Variants in ADGRV1 observed in about 807,000 individuals in gnomAD.
ADGRV1 encodes the protein G-protein coupled receptor 98.
In ADGRV1, 359 loss-of-function variants were observed where a neutral mutation model predicts 596.2. The ratio of observed to expected loss-of-function variants is 0.60; its 90% CI spans 0.55 to 0.66. The LOEUF is 0.66. ADGRV1 is among the 30% of genes least tolerant of loss of function. The probability of loss-of-function intolerance (pLI) is 0.00; values close to 1 mark genes in which losing one functional copy is unlikely to be tolerated. For synonymous variants in ADGRV1, 2,681 were observed against 2,679.2 expected (o/e 1.00, Z -0.02); for missense variants, 7,274 against 7,575.6 (o/e 0.96, Z 1.48).
chr5:90,705,490 T>G lies in ADGRV1; in HGVS notation c.8477T>G (p.Leu2826Ter). 6.2e-7 allele frequency: 1 copy of G among 1,613,942 alleles called. No homozygotes were observed. The highest frequency in any genetic ancestry group is 8.5e-7 in the Non-Finnish European group (1 of 1,179,806). ...VEASDEPHGVLNFALSSRFVL... is the reference protein window; with the variant it reads ...VEASDEPHGV ...GCCAGTGATGAACCACATGGAGTTTTAAATTTTGCTCTTTCATCAAGATTT... is the reference window on the plus strand; with the variant it reads ...GCCAGTGATGAACCACATGGAGTTTGAAATTTTGCTCTTTCATCAAGATTT... Residue 2826 changes from leucine (L) to a stop codon, truncating the protein, a stop_gained, in exon 37 of 90, where the codon TTA becomes TGA. Coordinates refer to ENST00000405460, the MANE Select transcript of ADGRV1 (RefSeq NM_032119.4). LOFTEE classifies it high-confidence loss of function.
chr5:90,817,986 T>C (rs1177709821), intron 75 of ADGRV1, among the ~76,000 whole-genome samples: 2 of 152,156 alleles, frequency 1.3e-5, no homozygotes, highest in African/African-American at 2.4e-5. Context: ...TGGCATTGAA[T>C]CTGTAAATTA....
intron 1 of ADGRV1, among the ~76,000 whole-genome samples, chr5:90,589,861 A>G (rs139623431): frequency 1.7e-3 from 265 of 152,260 alleles, no homozygotes; most frequent in Non-Finnish European, 3.2e-3. Context: ...AAACATAGAA[A>G]AGCACAAAGA....
chr5:90,879,483 G>A (rs1436530268), intron 83 of ADGRV1, among the ~76,000 whole-genome samples: 3 of 152,128 alleles, frequency 2.0e-5, no homozygotes, highest in African/African-American at 7.2e-5. Context: ...TTTAAAATTT[G>A]TGATATAATT....
At chr5:90,721,773 G>A (rs1330101868) in intron 45 of ADGRV1, among the ~76,000 whole-genome samples, 1 of 152,072 alleles carries the variant, frequency 6.6e-6, no homozygotes, top group African/African-American at 2.4e-5. Flanking sequence ...CTTTCAAGGG[G>A]TATTGATCTT....
chr5:90,658,456 C>T lies in ADGRV1; in HGVS notation c.4752+178C>T, dbSNP rs185625236. Among the ~76,000 whole-genome samples the T allele has an allele frequency of 6.2e-3, 950 of 152,238 alleles. 12 individuals carry two copies. Among genetic ancestry groups the T allele is most frequent in the African/African-American group, 0.022 (905 of 41,532 alleles). On this transcript the variant is annotated intron_variant, in intron 21 of 89. Transcript: ENST00000405460. ...AAATTCTTACTCTTATGAGTTCACC[C>T]TTTGGATCAACTTAATGAGCTGATA...
intron 77 of ADGRV1, among the ~76,000 whole-genome samples, chr5:90,830,768 T>C (rs1442836366): frequency 6.6e-6 from 1 of 152,176 alleles, no homozygotes; most frequent in Admixed American, 6.5e-5. Flanking sequence ...AGTACCCATA[T>C]ATCTGGTCAA....
intron 85 of ADGRV1, among the ~76,000 whole-genome samples, chr5:90,995,600 A>T (rs934406064): frequency 4.3e-4 from 65 of 152,210 alleles, no homozygotes; most frequent in African/African-American, 1.5e-3. Flanking sequence ...TGTTATGAAG[A>T]TACCTGAAAA....
At chr5:91,118,521 C>T (rs79786026) in intron 87 of ADGRV1, among the ~76,000 whole-genome samples, 2 of 152,122 alleles carry the variant, frequency 1.3e-5, no homozygotes, top group Non-Finnish European at 2.9e-5. Context: ...ACCATTATCA[C>T]GGATGCTTTT....
At chr5:90,790,729 T>A (rs2150132725) in intron 69 of ADGRV1, 144 bp from the exon 70 acceptor site, 1 of 582,584 alleles carries the variant, frequency 1.7e-6, no homozygotes, top group Admixed American at 3.2e-5. Flanking sequence ...CAAGCTAACA[T>A]ATACTTAGAG....
chr5:90,946,129 A>G (rs930213894), intron 83 of ADGRV1, among the ~76,000 whole-genome samples: 2 of 152,190 alleles, frequency 1.3e-5, no homozygotes, highest in Admixed American at 6.6e-5. Flanking sequence ...ACCTAGAAGG[A>G]GAATATCCCA....
chr5:90,635,301 T>G lies in ADGRV1; in HGVS notation c.2016+11T>G. On this transcript the variant is annotated intron_variant, in intron 10 of 89. Transcript: ENST00000405460. ...TTTGCTGCTGAAGTGGTAAGTAGGC[T>G]CTTTCTTACTGATGGGGGCTAATGA... 6.3e-7 allele frequency: 1 copy of G among 1,598,914 alleles called. No individual in the cohort carries two copies.
At chr5:90,954,662 C>G (rs1017888095) in intron 83 of ADGRV1, among the ~76,000 whole-genome samples, 4 of 151,808 alleles carry the variant, frequency 2.6e-5, no homozygotes, top group African/African-American at 9.7e-5. Flanking sequence ...ATTTCTATTC[C>G]TAGTATAATT....
chr5:90,627,172 G>A lies in ADGRV1; in HGVS notation c.673-39G>A, dbSNP rs775102825. ...CTTTAGTTTATTTGCAGGTGTTTTGGCTGTTGATGTTTTGCCTCTGTTTAT... is the reference window on the plus strand; with the variant it reads ...CTTTAGTTTATTTGCAGGTGTTTTGACTGTTGATGTTTTGCCTCTGTTTAT... On this transcript the variant is annotated intron_variant, in intron 6 of 89. Transcript: ENST00000405460. 1.1e-5 allele frequency: 12 copies of A among 1,135,230 alleles called. No individual in the cohort carries two copies. The East Asian group carries it at 2.8e-4, about 27-fold the overall frequency. 70.3% of individuals were successfully genotyped at this position (1,135,230 alleles called of 1,614,324 possible).
chr5:91,118,228 C>T (rs935686531), intron 87 of ADGRV1, among the ~76,000 whole-genome samples: 3 of 151,912 alleles, frequency 2.0e-5, no homozygotes, highest in Non-Finnish European at 4.4e-5. Flanking sequence ...CATAGTTATC[C>T]TTGTCTGGCT....
chr5:91,074,500 A>T (rs1447979586), intron 86 of ADGRV1, among the ~76,000 whole-genome samples: 1 of 152,160 alleles, frequency 6.6e-6, no homozygotes, highest in African/African-American at 2.4e-5. Flanking sequence ...TGCAAAGGAG[A>T]TGATCTCGGT....
intron 84 of ADGRV1, among the ~76,000 whole-genome samples, chr5:90,982,596 C>A (rs1008142504): frequency 6.6e-6 from 1 of 152,202 alleles, no homozygotes; most frequent in Non-Finnish European, 1.5e-5. Flanking sequence ...TACAGTTAGA[C>A]CTCACAGGGA....
chr5:90,637,089 C>T (rs1766307768), intron 10 of ADGRV1, among the ~76,000 whole-genome samples: 1 of 152,124 alleles, frequency 6.6e-6, no homozygotes, highest in African/African-American at 2.4e-5. Flanking sequence ...TAAACAATTC[C>T]TAATCCTCAC....
chr5:90,876,606 T>C (rs1043266483), intron 83 of ADGRV1, among the ~76,000 whole-genome samples: 2 of 152,174 alleles, frequency 1.3e-5, no homozygotes, highest in Non-Finnish European at 2.9e-5. Context: ...AACCTTTCAC[T>C]CTAAGATTAG....
chr5:90,721,657 G>GA (rs397971134), intron 45 of ADGRV1, among the ~76,000 whole-genome samples: 1 of 151,578 alleles, frequency 6.6e-6, no homozygotes, highest in African/African-American at 2.4e-5. Context: ...GGGGATGGGG[G>GA]TGACAGAAAT....
Sources: gnomAD v4.1 joint callset for allele counts (sites outside exome capture counted in the v4.1 genomes callset) on GRCh38, gnomAD v4.1.1 for gene constraint, MANE v1.5 for transcripts, NCBI Gene and HGNC (gene_info 2026-07-23, HGNC 2026-07-21) for gene names.